Variants in ANO3 observed in about 807,000 individuals in gnomAD.
ANO3 encodes the protein anoctamin 3.
ANO3 carries 99 observed loss-of-function variants against 144.8 expected under a neutral mutation model. That is an observed-to-expected ratio of 0.68 (90% CI 0.58 to 0.81). The LOEUF (loss-of-function observed/expected upper bound fraction) is 0.81. Among genes scored for constraint, ANO3 ranks in the 30% least tolerant of loss-of-function variants. The probability of loss-of-function intolerance (pLI) is 0.00; values close to 1 mark genes in which losing one functional copy is unlikely to be tolerated. For missense variants in ANO3, 905 were observed against 1,202.2 expected (o/e 0.75, Z 3.66); for synonymous variants, 414 against 392.6 (o/e 1.05, Z -0.64).
intron 4 of ANO3, among the ~76,000 whole-genome samples, chr11:26,507,370 A>C (rs185412146): frequency 6.6e-6 from 1 of 152,222 alleles, no homozygotes; most frequent in Non-Finnish European, 1.5e-5. Flanking sequence ...GGCAGAGACC[A>C]TTAAAAATAG....
intron 1 of ANO3, among the ~76,000 whole-genome samples, chr11:26,348,309 A>T (rs536372139): frequency 1.4e-4 from 22 of 152,218 alleles, no homozygotes; most frequent in Non-Finnish European, 3.2e-4. Context: ...TAATCTTCTC[A>T]TGTGTATTTA....
intron 12 of ANO3, among the ~76,000 whole-genome samples, chr11:26,551,304 A>G (rs561510495): frequency 1.3e-5 from 2 of 152,150 alleles, no homozygotes; most frequent in African/African-American, 4.8e-5. Flanking sequence ...AAACAAAAGA[A>G]AACCACAATT....
intron 14 of ANO3, among the ~76,000 whole-genome samples, chr11:26,570,386 A>G (rs1340993111): frequency 2.0e-5 from 3 of 152,118 alleles, no homozygotes; most frequent in African/African-American, 7.2e-5. Flanking sequence ...GCTTCCTTTT[A>G]AATGCATAAA....
chr11:26,602,573 T>C (rs2132940044), intron 17 of ANO3, among the ~76,000 whole-genome samples: 1 of 135,354 alleles, frequency 7.4e-6, no homozygotes, highest in African/African-American at 2.7e-5. Flanking sequence ...CAAAAGTTTT[T>C]TTTTCTTTTC....
upstream of ANO3, among the ~76,000 whole-genome samples, chr11:26,329,073 A>C (rs988608225): frequency 2.6e-5 from 4 of 152,116 alleles, no homozygotes; most frequent in African/African-American, 9.7e-5. Context: ...AAAATGTTTG[A>C]AGCTAAAAAT....
At chr11:26,541,022 A>C (rs887847768) in intron 10 of ANO3, among the ~76,000 whole-genome samples, 3 of 152,236 alleles carry the variant, frequency 2.0e-5, no homozygotes, top group African/African-American at 7.2e-5. Flanking sequence ...CAATATTCAC[A>C]ATAGCAAAGA....
At chr11:26,549,979 C>G (rs368914) in intron 12 of ANO3, among the ~76,000 whole-genome samples, 107,759 of 151,412 alleles carry the variant, frequency 0.71, 38,647 homozygotes, top group East Asian at 0.84. Flanking sequence ...TTTATCAAGT[C>G]CCTGTAATGT....
intron 8 of ANO3, among the ~76,000 whole-genome samples, chr11:26,533,626 G>A (rs995442342): frequency 5.3e-5 from 8 of 152,046 alleles, no homozygotes; most frequent in African/African-American, 1.9e-4. Context: ...AGGTCAGGTG[G>A]GAAAACGCAA....
intron 1 of ANO3, among the ~76,000 whole-genome samples, chr11:26,272,444 G>A (rs1853460203): frequency 6.6e-6 from 1 of 152,158 alleles, no homozygotes; most frequent in Admixed American, 6.6e-5. Flanking sequence ...TTTTAAACTT[G>A]TAAGTGCAGC....
intron 1 of ANO3, among the ~76,000 whole-genome samples, chr11:26,427,987 C>T (rs923455139): frequency 6.6e-6 from 1 of 152,102 alleles, no homozygotes; most frequent in African/African-American, 2.4e-5. Context: ...CACTGGGTCC[C>T]TCCCATGACA....
intron 24 of ANO3, among the ~76,000 whole-genome samples, chr11:26,651,126 AT>A (rs1415492700): frequency 1.3e-5 from 2 of 152,210 alleles, no homozygotes; most frequent in Non-Finnish European, 2.9e-5. Flanking sequence ...ATAGTAAAAA[AT>A]ATGTCAATAT....
At chr11:26,602,712 C>G (rs766936828) in intron 17 of ANO3, among the ~76,000 whole-genome samples, 1 of 150,100 alleles carries the variant, frequency 6.7e-6, no homozygotes, top group South Asian at 2.1e-4. Context: ...GATCACCCCA[C>G]TGTACTCCAG....
At chr11:26,611,675 A>G (rs181310922) in intron 17 of ANO3, among the ~76,000 whole-genome samples, 1 of 152,248 alleles carries the variant, frequency 6.6e-6, no homozygotes, top group African/African-American at 2.4e-5. Context: ...TTTTCTGTCT[A>G]GATTATCTAT....
chr11:26,371,149 C>T (rs71480121), intron 1 of ANO3, among the ~76,000 whole-genome samples: 3,677 of 152,240 alleles, frequency 0.024, 79 homozygotes, highest in Non-Finnish European at 0.036. Context: ...CAGCTCTGTG[C>T]AGTCTCAGGA....
intron 1 of ANO3, among the ~76,000 whole-genome samples, chr11:26,266,272 C>T (rs1000332855): frequency 1.3e-5 from 2 of 151,900 alleles, no homozygotes; most frequent in African/African-American, 4.8e-5. Flanking sequence ...CTCCTTTCCC[C>T]AAGACTCAGA....
At chr11:26,306,125 A>ATTTTTTTT (rs57674074), upstream of ANO3, among the ~76,000 whole-genome samples, 134 of 112,898 alleles carry the variant, frequency 1.2e-3, no homozygotes, top group Non-Finnish European at 1.7e-3. Context: ...AGCCCGGATA[A>ATTTTTTTT]TTTTTTTTTT....
intron 18 of ANO3, among the ~76,000 whole-genome samples, chr11:26,628,149 G>A (rs1176693109): frequency 6.6e-6 from 1 of 152,062 alleles, no homozygotes; most frequent in Non-Finnish European, 1.5e-5. Flanking sequence ...AGATCAGGAT[G>A]GCTGTTAATT....
intron 1 of ANO3, among the ~76,000 whole-genome samples, chr11:26,388,083 A>T (rs12274334): frequency 0.27 from 39,610 of 149,434 alleles, 5,916 homozygotes; most frequent in African/African-American, 0.4. Flanking sequence ...TTTATATTTT[A>T]AAAATTTTAT....
At position 26,367,004 on chromosome 11, in the gene ANO3, G is replaced by A. The variant is rs534521528; in HGVS notation, c.46+34683G>A. On this transcript the variant is annotated intron_variant, in intron 1 of 26. Transcript: ENST00000256737. ...CAAACCTGACAAAAACAAGAAATGG[G>A]GAAAGGATTCTCTATTTAACAAATG... Among the ~76,000 whole-genome samples, 167 of 152,214 alleles carry A rather than the reference G, an allele frequency of 1.1e-3. 1 individual carries two copies. The highest frequency in any genetic ancestry group is 2.9e-3 in the African/African-American group (121 of 41,528).
Sources: gnomAD v4.1 joint callset for allele counts (sites outside exome capture counted in the v4.1 genomes callset) on GRCh38, gnomAD v4.1.1 for gene constraint, MANE v1.5 for transcripts, NCBI Gene and HGNC (gene_info 2026-07-23, HGNC 2026-07-21) for gene names.